ALDH1A2: variants seen among roughly 807,000 people sequenced by gnomAD.
ALDH1A2 encodes the protein aldehyde dehydrogenase 1 family member A2.
ALDH1A2 carries 27 observed loss-of-function variants against 60.3 expected under a neutral mutation model. That is an observed-to-expected ratio of 0.45 (90% CI 0.33 to 0.62). ALDH1A2 has a LOEUF of 0.62. ALDH1A2 is among the 20% of genes least tolerant of loss of function. ALDH1A2 has a pLI of 0.02. For synonymous variants in ALDH1A2, 289 were observed against 232.4 expected (o/e 1.24, Z -2.21); for missense variants, 581 against 643.8 (o/e 0.90, Z 1.06).
intron 4 of ALDH1A2, among the ~76,000 whole-genome samples, chr15:57,995,708 C>T (rs1380269847): frequency 2.0e-5 from 3 of 151,930 alleles, no homozygotes; most frequent in Non-Finnish European, 4.4e-5. Context: ...AGGTAAAAGT[C>T]CATTTCTAAA....
intron 12 of ALDH1A2, among the ~76,000 whole-genome samples, chr15:57,959,941 C>T (rs1442509376): frequency 6.6e-6 from 1 of 152,114 alleles, no homozygotes; most frequent in Non-Finnish European, 1.5e-5. Flanking sequence ...TTTACTCACT[C>T]TCCCCCACTG....
At chr15:58,034,671 TATG>T (rs1896330506) in intron 1 of ALDH1A2, among the ~76,000 whole-genome samples, 1 of 151,706 alleles carries the variant, frequency 6.6e-6, no homozygotes, top group Non-Finnish European at 1.5e-5. Context: ...TCCTTCTTTA[TATG>T]ATGAATGGGT....
At chr15:58,060,463 C>CTTT (rs35187901) in intron 1 of ALDH1A2, among the ~76,000 whole-genome samples, 1,937 of 87,496 alleles carry the variant, frequency 0.022, 38 homozygotes, top group African/African-American at 0.037. Context: ...CCACACATAT[C>CTTT]TTTTTTTTTT....
chr15:57,980,496 G>A, intron 7 of ALDH1A2: 1 of 278,806 alleles, frequency 3.6e-6, no homozygotes, highest in Non-Finnish European at 7.6e-6. Context: ...AGGCTCTTCT[G>A]GAAGTCAGGC....
chr15:58,049,833 C>A (rs1189174088), intron 1 of ALDH1A2, among the ~76,000 whole-genome samples: 1 of 152,038 alleles, frequency 6.6e-6, no homozygotes, highest in Non-Finnish European at 1.5e-5. Context: ...ATGTACCCCC[C>A]TGTCTTGAAA....
chr15:57,998,782 G>T (rs1046313832), intron 4 of ALDH1A2, among the ~76,000 whole-genome samples: 1 of 151,956 alleles, frequency 6.6e-6, no homozygotes, highest in Admixed American at 6.6e-5. Context: ...GAGGCATCAT[G>T]CTACCTGACT....
intron 1 of ALDH1A2, among the ~76,000 whole-genome samples, chr15:58,047,059 C>T (rs1375715415): frequency 6.6e-6 from 1 of 151,916 alleles, no homozygotes; most frequent in African/African-American, 2.4e-5. Context: ...CTTGTCAGCC[C>T]ACAGCAAAAT....
At chr15:58,022,360 G>A (rs1895951085) in intron 1 of ALDH1A2, among the ~76,000 whole-genome samples, 2 of 152,044 alleles carry the variant, frequency 1.3e-5, no homozygotes, top group South Asian at 4.2e-4. Context: ...GCAACCTCGG[G>A]CCTGGAGACT....
intron 9 of ALDH1A2, 37 bp downstream of exon 9, chr15:57,963,848 A>G: frequency 6.2e-7 from 1 of 1,611,718 alleles, no homozygotes; most frequent in East Asian, 2.2e-5. Flanking sequence ...CCAGTCAAGG[A>G]TTAAGTAAAC....
At chr15:58,049,566 C>G (rs1896722722) in intron 1 of ALDH1A2, among the ~76,000 whole-genome samples, 1 of 152,040 alleles carries the variant, frequency 6.6e-6, no homozygotes, top group Non-Finnish European at 1.5e-5. Context: ...TTCACTTACT[C>G]TCTGTTGCTA....
chr15:57,980,292 G>T, intron 7 of ALDH1A2: 2 of 406,310 alleles, frequency 4.9e-6, no homozygotes, highest in Non-Finnish European at 1.0e-5. Flanking sequence ...ACCTGCATGT[G>T]CCTCATGTTC....
intron 1 of ALDH1A2, among the ~76,000 whole-genome samples, chr15:58,063,337 A>G (rs1897090309): frequency 6.6e-6 from 1 of 152,196 alleles, no homozygotes; most frequent in South Asian, 2.1e-4. Flanking sequence ...TTTTGTAGCC[A>G]TTACCCTTTT....
At chr15:58,060,743 G>C (rs567806028) in intron 1 of ALDH1A2, among the ~76,000 whole-genome samples, 1 of 152,236 alleles carries the variant, frequency 6.6e-6, no homozygotes, top group East Asian at 1.9e-4. Context: ...GTGCAGTTGT[G>C]TTACAATAAA....
intron 7 of ALDH1A2, among the ~76,000 whole-genome samples, chr15:57,969,318 G>GA (rs1191965802): frequency 2.6e-5 from 4 of 151,368 alleles, no homozygotes; most frequent in South Asian, 2.1e-4. Flanking sequence ...CAGTCCACTA[G>GA]AAAAAAAAAT....
At chr15:58,026,133 A>G (rs1163901121) in intron 1 of ALDH1A2, among the ~76,000 whole-genome samples, 2 of 152,178 alleles carry the variant, frequency 1.3e-5, no homozygotes, top group Non-Finnish European at 2.9e-5. Flanking sequence ...CAAAATAAGA[A>G]AACTACAAGC....
At chr15:58,038,274 G>A (rs1176977583) in intron 1 of ALDH1A2, among the ~76,000 whole-genome samples, 2 of 151,522 alleles carry the variant, frequency 1.3e-5, no homozygotes, top group African/African-American at 4.8e-5. Flanking sequence ...ATGTCTTTCA[G>A]TCTAAGTATC....
intron 7 of ALDH1A2, among the ~76,000 whole-genome samples, chr15:57,966,384 C>A (rs74017083): frequency 6.6e-6 from 1 of 152,104 alleles, no homozygotes; most frequent in African/African-American, 2.4e-5. Context: ...TTGTAAATGC[C>A]GTTTATCTTG....
At chr15:58,010,486 T>G (rs1205345308) in intron 4 of ALDH1A2, among the ~76,000 whole-genome samples, 163 bp downstream of exon 4, 1 of 152,204 alleles carries the variant, frequency 6.6e-6, no homozygotes, top group Non-Finnish European at 1.5e-5. Context: ...AAAGGGATGT[T>G]GTCAGAGTCA....
intron 4 of ALDH1A2, among the ~76,000 whole-genome samples, chr15:58,002,043 G>A (rs539707753): frequency 6.6e-6 from 1 of 151,904 alleles, no homozygotes; most frequent in South Asian, 2.1e-4. Flanking sequence ...AACAGATATT[G>A]CTCTTAAAGG....
Sources: allele counts gnomAD v4.1 joint callset (sites outside exome capture counted in the v4.1 genomes callset), GRCh38; gene constraint gnomAD v4.1.1; transcripts MANE v1.5; gene names NCBI Gene and HGNC (gene_info 2026-07-23, HGNC 2026-07-21).